Variants in SCFD2 observed in about 807,000 individuals in gnomAD.
SCFD2 encodes sec1 family domain containing 2, also known as sec1 family domain-containing protein 2.
SCFD2 carries 54 observed loss-of-function variants against 58.9 expected under a neutral mutation model. The ratio of observed to expected loss-of-function variants is 0.92; its 90% CI spans 0.74 to 1.15. The LOEUF is 1.15. Among genes scored for constraint, SCFD2 ranks in the 50% most tolerant of loss-of-function variants. SCFD2 has a pLI of 0.00. For synonymous variants in SCFD2, 321 were observed against 335.9 expected (o/e 0.96, Z 0.49); for missense variants, 805 against 836.6 (o/e 0.96, Z 0.47).
At chr4:52,985,879 A>G (rs1487216340) in intron 5 of SCFD2, among the ~76,000 whole-genome samples, 2 of 152,134 alleles carry the variant, frequency 1.3e-5, no homozygotes, top group East Asian at 3.9e-4. Context: ...CCAATCAGAT[A>G]AGAAAAACAC....
At chr4:52,890,972 C>A (rs991483794) in intron 7 of SCFD2, among the ~76,000 whole-genome samples, 4 of 152,114 alleles carry the variant, frequency 2.6e-5, no homozygotes, top group African/African-American at 7.2e-5. Context: ...ACTCATTTGT[C>A]CCTACAACAG....
At chr4:52,971,088 G>A (rs1169975104) in intron 5 of SCFD2, among the ~76,000 whole-genome samples, 3 of 152,150 alleles carry the variant, frequency 2.0e-5, no homozygotes, top group African/African-American at 7.2e-5. Flanking sequence ...AGAAAAACCA[G>A]AAACTCGAAA....
intron 2 of SCFD2, among the ~76,000 whole-genome samples, chr4:53,343,007 G>A (rs1178967677): frequency 6.6e-6 from 1 of 152,098 alleles, no homozygotes; most frequent in Non-Finnish European, 1.5e-5. Flanking sequence ...GAGAAAGCAG[G>A]AAAGATCTAA....
intron 2 of SCFD2, among the ~76,000 whole-genome samples, chr4:53,349,347 C>T (rs1340470881): frequency 6.6e-6 from 1 of 152,214 alleles, no homozygotes; most frequent in Non-Finnish European, 1.5e-5. Context: ...TCCCATACAA[C>T]ATGACGTCCA....
intron 5 of SCFD2, among the ~76,000 whole-genome samples, chr4:53,006,689 C>A (rs1243568973): frequency 6.6e-6 from 1 of 152,182 alleles, no homozygotes; most frequent in African/African-American, 2.4e-5. Flanking sequence ...CTCCCTAAAC[C>A]TAATCTAGCT....
At chr4:53,220,321 C>A (rs1167950263) in intron 4 of SCFD2, among the ~76,000 whole-genome samples, 1 of 152,162 alleles carries the variant, frequency 6.6e-6, no homozygotes, top group Admixed American at 6.5e-5. Context: ...ACCTATTAAT[C>A]CTGACATGCT....
At chr4:53,344,439 G>A (rs1036403975) in intron 2 of SCFD2, among the ~76,000 whole-genome samples, 32 of 152,092 alleles carry the variant, frequency 2.1e-4, no homozygotes, top group Non-Finnish European at 3.1e-4. Flanking sequence ...ACTGCTCAAC[G>A]AAATAAAAGA....
intron 5 of SCFD2, among the ~76,000 whole-genome samples, chr4:53,130,275 T>A (rs1376453058): frequency 6.6e-6 from 1 of 152,204 alleles, no homozygotes; most frequent in African/African-American, 2.4e-5. Flanking sequence ...GGAAATTCCA[T>A]ACAATTATTG....
intron 4 of SCFD2, among the ~76,000 whole-genome samples, chr4:53,184,195 C>T (rs773588709): frequency 2.6e-5 from 4 of 152,112 alleles, no homozygotes; most frequent in African/African-American, 7.2e-5. Flanking sequence ...CATAACCACC[C>T]GTTTAGCTTG....
intron 5 of SCFD2, among the ~76,000 whole-genome samples, chr4:53,023,285 T>A (rs1344130714): frequency 6.6e-6 from 1 of 152,204 alleles, no homozygotes; most frequent in African/African-American, 2.4e-5. Context: ...ACATCTGCAA[T>A]GGGTTGTGAC....
intron 4 of SCFD2, among the ~76,000 whole-genome samples, chr4:53,231,337 T>C (rs186933015): frequency 6.6e-6 from 1 of 152,258 alleles, no homozygotes; most frequent in Admixed American, 6.6e-5. Context: ...TGTTCATGGA[T>C]TCAGCCTTGC....
chr4:52,936,656 T>C (rs1720145958), intron 5 of SCFD2, among the ~76,000 whole-genome samples: 1 of 152,182 alleles, frequency 6.6e-6, no homozygotes, highest in Admixed American at 6.5e-5. Flanking sequence ...CTGGCCCCTC[T>C]AGCTCTGACT....
chr4:53,171,420 C>T (rs1187275683), intron 4 of SCFD2, among the ~76,000 whole-genome samples: 2 of 152,158 alleles, frequency 1.3e-5, no homozygotes, highest in Admixed American at 6.5e-5. Flanking sequence ...TTTGCTACTA[C>T]TGCATTTTGT....
chr4:53,217,039 A>T (rs1728866383), intron 4 of SCFD2, among the ~76,000 whole-genome samples: 3 of 152,162 alleles, frequency 2.0e-5, no homozygotes, highest in Admixed American at 2.0e-4. Flanking sequence ...GTTCTTTTAC[A>T]TTTGCTGAGG....
At chr4:53,002,596 C>A (rs1159380440) in intron 5 of SCFD2, among the ~76,000 whole-genome samples, 1 of 152,154 alleles carries the variant, frequency 6.6e-6, no homozygotes, top group South Asian at 2.1e-4. Context: ...CTCCTATGAG[C>A]CTTGATACAG....
intron 5 of SCFD2, among the ~76,000 whole-genome samples, chr4:52,970,481 C>T (rs2101204): frequency 0.34 from 51,912 of 152,068 alleles, 9,635 homozygotes; most frequent in Admixed American, 0.47. Context: ...GGGGCACCCA[C>T]CATTGCTGAG....
chr4:53,022,247 G>A lies in SCFD2; in HGVS notation c.1562-101377C>T, dbSNP rs187473580. On this transcript the variant is annotated intron_variant, in intron 5 of 8. Transcript: ENST00000401642. ...GAAAAATGTTATTTTCTCTTACTGG[G>A]GGACTTAATTTACTTTTAAATTGAT... 6.6e-5 allele frequency among the ~76,000 whole-genome samples: 10 copies of A among 152,214 alleles called. No individual in the cohort carries two copies. In the East Asian group the frequency reaches 1.9e-3, roughly 29 times the overall value.
At chr4:52,947,966 G>GA (rs1720480690) in intron 5 of SCFD2, among the ~76,000 whole-genome samples, 1 of 65,188 alleles carries the variant, frequency 1.5e-5, no homozygotes, top group Non-Finnish European at 3.1e-5. Context: ...AGAAAAATAG[G>GA]CCAAAAAAAA....
intron 4 of SCFD2, among the ~76,000 whole-genome samples, chr4:53,249,275 G>T (rs565505138): frequency 2.5e-3 from 378 of 152,074 alleles, no homozygotes; most frequent in African/African-American, 8.8e-3. Flanking sequence ...AAAAAGAAAC[G>T]AACAAAGCCT....
Sources: gnomAD v4.1 joint callset for allele counts (sites outside exome capture counted in the v4.1 genomes callset) on GRCh38, gnomAD v4.1.1 for gene constraint, MANE v1.5 for transcripts, NCBI Gene and HGNC (gene_info 2026-07-23, HGNC 2026-07-21) for gene names.